ZC3H12D: variants seen among roughly 807,000 people sequenced by gnomAD.
The protein encoded by ZC3H12D is probable ribonuclease ZC3H12D.
Under a neutral mutation model 24.2 loss-of-function variants are expected in ZC3H12D, and 11 were observed. That is an observed-to-expected ratio of 0.46 (90% confidence interval 0.29 to 0.75). The LOEUF (loss-of-function observed/expected upper bound fraction) is 0.75. Ranked by LOEUF, ZC3H12D falls within the 30% of genes least tolerant of loss-of-function variation. ZC3H12D has a pLI of 0.11. For synonymous variants in ZC3H12D, 333 were observed against 341.8 expected (o/e 0.97, Z 0.28); for missense variants, 740 against 767.7 (o/e 0.96, Z 0.43).
chr6:149,457,075 G>A lies in ZC3H12D; in HGVS notation c.446-175C>T, dbSNP rs1775996661. 2.0e-5 allele frequency among the ~76,000 whole-genome samples: 3 copies of A among 152,220 alleles called. 1 individual carries two copies. The South Asian group carries it at 6.2e-4, about 31-fold the overall frequency. On this transcript the variant is annotated intron_variant, in intron 3 of 5. Transcript: ENST00000409806. ...TTCGCTCCTTTCACTCAATTTCACT[G>A]AATTTGCCTGAAGCCCCAGGTCAAG... is the stretch of plus-strand genomic sequence containing the variant.
chr6:149,471,558 A>G (rs1291595297), intron 2 of ZC3H12D, among the ~76,000 whole-genome samples: 3 of 152,178 alleles, frequency 2.0e-5, no homozygotes, highest in African/African-American at 7.2e-5. Flanking sequence ...GGGATGACAG[A>G]CCCTTTAAGT....
At position 149,456,623 on chromosome 6, in the gene ZC3H12D, G is replaced by GGGTGCAGGCC; in HGVS notation, c.680+42_680+43insGGCCTGCACC. On this transcript the variant is annotated intron_variant, in intron 4 of 5. Coordinates refer to ENST00000409806, the MANE Select transcript of ZC3H12D (RefSeq NM_207360.3). The surrounding 1 kb of genome is among the most constrained non-coding windows in gnomAD (Gnocchi z 4.3). ...GCCACTGCCTCGACCCCGGCCCCCC[G>GGGTGCAGGCC]CCCCGCCGCCCCCCAGGGTGTCAGG... 1 of 744,590 alleles carries GGGTGCAGGCC rather than the reference G, an allele frequency of 1.3e-6. No homozygotes were observed. 46.1% of individuals were successfully genotyped at this position (744,590 alleles called of 1,614,324 possible). A position where few individuals can be genotyped will look rare whatever the true frequency, so the allele number is the denominator to read the frequency against.
rs141450502 is a variant in ZC3H12D, at chr6:149,475,299, A to T, written c.-70-686T>A. ...ACTAACACAGGCCCCTGGCTTACCC[A>T]GGGCCAAATGCCCCCGGGCGAATTC... is the stretch of plus-strand genomic sequence containing the variant. On this transcript the variant is annotated intron_variant, in intron 1 of 5. Transcript: ENST00000409806. Among the ~76,000 whole-genome samples, 711 of 152,322 alleles carry T rather than the reference A, an allele frequency of 4.7e-3. 4 individuals carry two copies. Among genetic ancestry groups the T allele is most frequent in the African/African-American group, 0.016 (682 of 41,586 alleles).
In ZC3H12D at chr6:149,453,389, T is replaced by C. The variant is rs559039750; in HGVS notation, c.681-667A>G. 3.3e-5 allele frequency among the ~76,000 whole-genome samples: 5 copies of C among 151,194 alleles called. No homozygotes were observed. In the South Asian group the frequency reaches 1.1e-3, roughly 32 times the overall value. On this transcript the variant is annotated intron_variant, in intron 4 of 5. Transcript: ENST00000409806. ...TTCAGGAATCTGCACAACTGGGAGA[T>C]TGAGGTGGGCAGATTGCCTGAGCTC...
chr6:149,461,977 T>C lies in ZC3H12D; in HGVS notation c.306-7A>G, dbSNP rs1238247950. 6 of 1,608,332 alleles carry C rather than the reference T, an allele frequency of 3.7e-6. No homozygotes were observed. In the African/African-American group the frequency reaches 5.3e-5, roughly 14 times the overall value. ...GGTTTCTTTATTTCCATGGCTACAA[T>C]GGGAAAACAAAGAAATCATAGAGAC... On this transcript the variant is annotated splice_polypyrimidine_tract_variant and splice_region_variant and intron_variant, in intron 2 of 5. Coordinates refer to ENST00000409806, the MANE Select transcript of ZC3H12D (RefSeq NM_207360.3).
At chr6:149,458,925 AG>A (rs1367194174) in intron 3 of ZC3H12D, among the ~76,000 whole-genome samples, 1 of 152,184 alleles carries the variant, frequency 6.6e-6, no homozygotes, top group Non-Finnish European at 1.5e-5. Context: ...TTCATGCTTT[AG>A]CCCATCTTTC....
rs987105103 is a variant in ZC3H12D at position 149,469,849 on chromosome 6, G to A, written c.305+4390C>T. 1.8e-4 allele frequency among the ~76,000 whole-genome samples: 28 copies of A among 152,114 alleles called. 1 individual carries two copies. Among genetic ancestry groups the A allele is most frequent in the African/African-American group, 5.6e-4 (23 of 41,410 alleles). On this transcript the variant is annotated intron_variant, in intron 2 of 5. Transcript: ENST00000409806. ...ACCTGCCTGCAGCTGACAAGTCCAG[G>A]GCTTGTCAACTGCAGCCAGAGCCCG...
rs1281821147 is a variant in ZC3H12D at position 149,450,739 on chromosome 6, G to A, written c.1528C>T (p.Leu510Phe). ...AFPELSDLARLILLVQRCQSA... is the reference protein window; with the variant it reads ...AFPELSDLARFILLVQRCQSA... ...TGGCATCTCTGTACCAGGAGGATGA[G>A]CCTGGCGAGGTCTGAGAGCTCCGGG... Residue 510 changes from leucine to phenylalanine, a missense_variant, in exon 6 of 6, where the codon CTC (leucine) becomes TTC (phenylalanine). Coordinates refer to ENST00000409806, the MANE Select transcript of ZC3H12D (RefSeq NM_207360.3). 8 of 1,548,524 alleles carry A rather than the reference G, an allele frequency of 5.2e-6. No individual in the cohort carries two copies. The East Asian group carries it at 1.7e-4, about 33-fold the overall frequency.
At chr6:149,454,751 G>A (rs763398440) in intron 4 of ZC3H12D, among the ~76,000 whole-genome samples, 7 of 152,252 alleles carry the variant, frequency 4.6e-5, no homozygotes, top group Non-Finnish European at 8.8e-5. Flanking sequence ...AGATGGCCAT[G>A]TCCCTGAGAG....
intron 4 of ZC3H12D, among the ~76,000 whole-genome samples, chr6:149,453,128 C>CA (rs59814309): frequency 0.013 from 1,376 of 106,042 alleles, 16 homozygotes; most frequent in Non-Finnish European, 0.019. Context: ...CTACAGAAAG[C>CA]AAAAAAAAAA....
At chr6:149,468,694 C>T (rs1270433762) in intron 2 of ZC3H12D, among the ~76,000 whole-genome samples, 3 of 152,162 alleles carry the variant, frequency 2.0e-5, no homozygotes, top group African/African-American at 7.2e-5. Flanking sequence ...GATCTGGGAG[C>T]TTTCGCCTTA....
rs778763136 is a variant in ZC3H12D, at chr6:149,474,478, C to T, written c.66G>A (p.Arg22=). The T allele has an allele frequency of 6.3e-7, 1 of 1,585,694 alleles. No homozygotes were observed. Among genetic ancestry groups the T allele is most frequent in the South Asian group, 1.1e-5 (1 of 88,980 alleles). Residue 22 remains arginine, a synonymous_variant, in exon 2 of 6, where the codon CGG becomes CGA. Coordinates refer to ENST00000409806, the MANE Select transcript of ZC3H12D (RefSeq NM_207360.3). The part of the protein sequence containing the change: ...KLGYDREDVL[R]VLGKLGEGAL... ...CGCCCTCGCCCAGCTTGCCCAACACCCGGAGCACATCCTCCCGGTCATAGC... is the reference window on the plus strand; with the variant it reads ...CGCCCTCGCCCAGCTTGCCCAACACTCGGAGCACATCCTCCCGGTCATAGC...
rs1776477293 is a variant in ZC3H12D, at chr6:149,484,963, A to C, written c.-221T>G. On this transcript the variant is annotated 5_prime_UTR_variant, in exon 1 of 6. Transcript: ENST00000409806. ...TGGCGTGCGCCAAGCAGCCACTAGG[A>C]GCCACTTCATGCCAATGCTCCACTT... 1 of 151,932 alleles carries C rather than the reference A, an allele frequency of 6.6e-6. No homozygotes were observed. Among genetic ancestry groups the C allele is most frequent in the Non-Finnish European group, 1.5e-5 (1 of 68,008 alleles). 9.4% of individuals were successfully genotyped at this position (151,932 alleles called of 1,614,324 possible).
At position 149,450,876 on chromosome 6, in the gene ZC3H12D, C is replaced by A; in HGVS notation, c.1391G>T (p.Gly464Val). The change falls in exon 6 of 6, where the codon GGA becomes GTA. Residue 464 changes from glycine (G) to valine (V), a missense_variant. Gly to Val is a moderately radical substitution (Grantham distance 109). Transcript: ENST00000409806. ...GTCCTCGGTCGCGTACACTGAAAGT[C>A]CCCCAGTGGCGCCGTCGCCCCAGGC... ...EPAWGDGATG[G>V]LSVYATEDDE... 6.5e-7 allele frequency: 1 copy of A among 1,541,858 alleles called. No homozygotes were observed. Among genetic ancestry groups the A allele is most frequent in the Non-Finnish European group, 8.7e-7 (1 of 1,146,588 alleles).
rs1461748635 is a variant in ZC3H12D at position 149,463,687 on chromosome 6, C to T, written c.306-1717G>A. ...TCGCGCCACTGCACTCCAGCTTGGG[C>T]GACATAGCAAAAATTGACGGTGACT... On this transcript the variant is annotated intron_variant, in intron 2 of 5. Transcript: ENST00000409806. 3.9e-5 allele frequency among the ~76,000 whole-genome samples: 6 copies of T among 152,282 alleles called. No homozygotes were observed. In the South Asian group the frequency reaches 1.0e-3, roughly 26 times the overall value.
At position 149,474,554 on chromosome 6, in the gene ZC3H12D, G is replaced by A. The variant is rs765049782; in HGVS notation, c.-11C>T. 3 of 1,481,828 alleles carry A rather than the reference G, an allele frequency of 2.0e-6. No individual in the cohort carries two copies. The highest frequency in any genetic ancestry group is 2.7e-6 in the Non-Finnish European group (3 of 1,106,660). The allele number at this position is 1,481,828 out of a possible 1,614,324, so 91.8% of individuals were successfully genotyped here. On this transcript the variant is annotated 5_prime_UTR_variant, in exon 2 of 6. Transcript: ENST00000409806. ...GCTGGGGTGCTCCATGCTGTGCCCA[G>A]CGGCCACTGGCGCAGGTCCTGCCCC...
chr6:149,451,450 T>G lies in ZC3H12D; in HGVS notation c.817A>C (p.Lys273Gln). 1 of 1,576,260 alleles carries G rather than the reference T, an allele frequency of 6.3e-7. No individual in the cohort carries two copies. The highest frequency in any genetic ancestry group is 8.5e-7 in the Non-Finnish European group (1 of 1,170,856). The stretch of plus-strand genomic sequence containing the variant: ...TGCGGCCTCTCCGGGTGGTAGAACT[T>G]GCACTTGATGCCATAGGTGCATTTC... The part of the protein sequence containing the change: ...GKKCTYGIKC[K>Q]FYHPERPHHA... The change falls in exon 6 of 6, where the codon AAG (lysine) becomes CAG (glutamine). Residue 273 changes from lysine (K) to glutamine (Q), a missense_variant. By Grantham distance (53) the Lys-to-Gln change is moderately conservative (BLOSUM62 1). Transcript: ENST00000409806.
chr6:149,463,780 G>T (rs1241234207), intron 2 of ZC3H12D, among the ~76,000 whole-genome samples: 3 of 152,092 alleles, frequency 2.0e-5, no homozygotes, highest in Non-Finnish European at 4.4e-5. Context: ...TATTTAGAAG[G>T]TCAAATCTCC....
chr6:149,484,333 T>G (rs1156738635), intron 1 of ZC3H12D, among the ~76,000 whole-genome samples: 1 of 152,202 alleles, frequency 6.6e-6, no homozygotes, highest in East Asian at 1.9e-4. Flanking sequence ...TACCAAAAGT[T>G]CCTGACTGCA....
Sources: allele counts gnomAD v4.1 joint callset (sites outside exome capture counted in the v4.1 genomes callset), GRCh38; gene constraint gnomAD v4.1.1; non-coding constraint Gnocchi (gnomAD v3.1); transcripts MANE v1.5; gene names NCBI Gene and HGNC (gene_info 2026-07-23, HGNC 2026-07-21).